SLC35F1: variants seen among roughly 807,000 people sequenced by gnomAD.
SLC35F1 encodes chromosome 6 open reading frame 169.
A neutral mutation model predicts 48.7 loss-of-function variants in SLC35F1; 14 were observed. That is an observed-to-expected ratio of 0.29 (90% CI 0.19 to 0.45). The LOEUF is 0.45. SLC35F1 is among the 20% of genes least tolerant of loss of function. The pLI, the probability that SLC35F1 is intolerant of heterozygous loss-of-function variation, is 1.00. For missense variants in SLC35F1, 404 were observed against 500.0 expected, an observed-to-expected ratio of 0.81 and a Z score of 1.83; for synonymous variants, 190 against 202.2, an observed-to-expected ratio of 0.94 and a Z score of 0.51.
intron 1 of SLC35F1, among the ~76,000 whole-genome samples, chr6:118,115,313 C>G (rs1410445507): frequency 2.0e-5 from 3 of 152,152 alleles, no homozygotes; most frequent in Non-Finnish European, 4.4e-5. Flanking sequence ...ACATAGCAGG[C>G]ATGCACAGAG....
At chr6:118,228,844 T>C (rs919438837) in intron 2 of SLC35F1, among the ~76,000 whole-genome samples, 1 of 152,062 alleles carries the variant, frequency 6.6e-6, no homozygotes, top group South Asian at 2.1e-4. Flanking sequence ...TGCTGCAGAC[T>C]GTGAAATGTG....
chr6:118,021,441 T>C (rs1420635390), intron 1 of SLC35F1, among the ~76,000 whole-genome samples: 1 of 152,146 alleles, frequency 6.6e-6, no homozygotes, highest in Non-Finnish European at 1.5e-5. Flanking sequence ...CCTATGGCCT[T>C]CTGTATTGGG....
intron 1 of SLC35F1, among the ~76,000 whole-genome samples, chr6:118,081,706 G>A (rs1443025628): frequency 6.6e-6 from 1 of 152,080 alleles, no homozygotes; most frequent in South Asian, 2.1e-4. Flanking sequence ...GTATAATCTG[G>A]CCCATTCTTT....
At chr6:118,204,489 C>T (rs1481404834) in intron 2 of SLC35F1, among the ~76,000 whole-genome samples, 1 of 152,056 alleles carries the variant, frequency 6.6e-6, no homozygotes, top group African/African-American at 2.4e-5. Flanking sequence ...CATATCTTCT[C>T]GTAATTTCTG....
chr6:118,001,364 T>A (rs1375324494), intron 1 of SLC35F1, among the ~76,000 whole-genome samples: 2 of 152,172 alleles, frequency 1.3e-5, no homozygotes, highest in Non-Finnish European at 2.9e-5. Context: ...ATTCCCCATT[T>A]AATAAATGGT....
At chr6:118,168,527 T>C (rs1774352146) in intron 2 of SLC35F1, among the ~76,000 whole-genome samples, 1 of 152,184 alleles carries the variant, frequency 6.6e-6, no homozygotes. Context: ...CTTATTGTAC[T>C]GTACTCACTT....
intron 1 of SLC35F1, among the ~76,000 whole-genome samples, chr6:118,000,107 G>A (rs1236827907): frequency 1.3e-5 from 2 of 152,162 alleles, no homozygotes; most frequent in Non-Finnish European, 2.9e-5. Flanking sequence ...TACGAGGCCA[G>A]CATCATCCTG....
chr6:118,156,076 T>A (rs1562308463), intron 2 of SLC35F1, among the ~76,000 whole-genome samples: 1 of 152,190 alleles, frequency 6.6e-6, no homozygotes, highest in Non-Finnish European at 1.5e-5. Context: ...ATTGGTGCTA[T>A]CAATGCTTGT....
rs1231788413 is a variant in SLC35F1, at chr6:118,295,771, G to T, written c.1002+10433G>T. Among the ~76,000 whole-genome samples the T allele has an allele frequency of 2.6e-5, 4 of 152,254 alleles. No homozygotes were observed. The South Asian group carries it at 6.2e-4, about 24-fold the overall frequency. On this transcript the variant is annotated intron_variant, in intron 7 of 7. Transcript: ENST00000360388. ...TGCCCAAATGTAATTAGAAATAGGA[G>T]ATTTAAAAATTAATACTTAGCCTTT...
rs567795538 is a variant in SLC35F1, at chr6:118,061,770, T to A, written c.174-92675T>A. Among the ~76,000 whole-genome samples the A allele has an allele frequency of 1.2e-4, 18 of 152,224 alleles. No homozygotes were observed. In the South Asian group the frequency reaches 3.7e-3, roughly 32 times the overall value. On this transcript the variant is annotated intron_variant, in intron 1 of 7. Coordinates refer to ENST00000360388, the MANE Select transcript of SLC35F1 (RefSeq NM_001029858.4). ...GGGGATGGTTTTGGGATGAAACTGT[T>A]CCACCTCAGATCATCAGGCATTAGT...
intron 1 of SLC35F1, among the ~76,000 whole-genome samples, chr6:117,937,342 G>A (rs1186948940): frequency 3.3e-5 from 5 of 152,346 alleles, no homozygotes; most frequent in South Asian, 2.1e-4. Flanking sequence ...CAGGGACTGC[G>A]TGGTAAACAT....
Position 118,086,345 on chromosome 6 carries a change from G to A in SLC35F1, c.174-68100G>A, listed in dbSNP as rs987672696. Among the ~76,000 whole-genome samples the A allele has an allele frequency of 1.6e-4, 25 of 152,178 alleles. 1 individual carries two copies. On this transcript the variant is annotated intron_variant, in intron 1 of 7. Coordinates refer to ENST00000360388, the MANE Select transcript of SLC35F1 (RefSeq NM_001029858.4). ...CTTCCACTTTCTGTGCTTTCTCAAA[G>A]GTCAGTGTCAGCAGTTCTGCTGCTC...
intron 1 of SLC35F1, among the ~76,000 whole-genome samples, chr6:117,931,728 A>C (rs1776104088): frequency 6.6e-6 from 1 of 152,176 alleles, no homozygotes; most frequent in South Asian, 2.1e-4. Context: ...TGTGGGGAGT[A>C]CTAGAAGTGC....
chr6:118,235,774 T>C, intron 3 of SLC35F1, 138 bp downstream of exon 3: 1 of 734,474 alleles, frequency 1.4e-6, no homozygotes, highest in East Asian at 3.2e-5. Flanking sequence ...GTATACAGAT[T>C]CTGTATACTA....
At chr6:118,024,180 T>G (rs921835172) in intron 1 of SLC35F1, among the ~76,000 whole-genome samples, 5 of 152,206 alleles carry the variant, frequency 3.3e-5, no homozygotes, top group African/African-American at 1.2e-4. Flanking sequence ...TCCAAATCAG[T>G]TAGCTAGACA....
intron 2 of SLC35F1, among the ~76,000 whole-genome samples, chr6:118,210,279 ATATACT>A (rs1472034728): frequency 3.3e-5 from 5 of 152,128 alleles, no homozygotes; most frequent in Admixed American, 2.6e-4. Context: ...TGTCCACCTG[ATATACT>A]TAAATGTTTC....
At chr6:117,988,134 C>T (rs1419677290) in intron 1 of SLC35F1, among the ~76,000 whole-genome samples, 1 of 152,154 alleles carries the variant, frequency 6.6e-6, no homozygotes, top group African/African-American at 2.4e-5. Context: ...TGTGTGGGCT[C>T]CATCGTTACT....
At chr6:118,263,527 C>T (rs1775737423) in intron 3 of SLC35F1, among the ~76,000 whole-genome samples, 1 of 152,010 alleles carries the variant, frequency 6.6e-6, no homozygotes, top group African/African-American at 2.4e-5. Flanking sequence ...TTTTAATGTC[C>T]TTGGAGATTT....
chr6:118,239,059 GTC>G (rs147633202), intron 3 of SLC35F1, among the ~76,000 whole-genome samples: 1,516 of 147,068 alleles, frequency 0.01, 23 homozygotes, highest in African/African-American at 0.033. Flanking sequence ...ATGAGAACAA[GTC>G]TCTCTCTCTC....
Sources: allele counts gnomAD v4.1 joint callset (sites outside exome capture counted in the v4.1 genomes callset), GRCh38; gene constraint gnomAD v4.1.1; transcripts MANE v1.5; gene names NCBI Gene and HGNC (gene_info 2026-07-23, HGNC 2026-07-21).